Variants in HGF observed in about 807,000 individuals in gnomAD.
HGF encodes the protein hepatocyte growth factor.
In HGF, 39 loss-of-function variants were observed where a neutral mutation model predicts 111.6. The observed-to-expected ratio is 0.35, with a 90% CI of 0.27 to 0.46. HGF has a LOEUF of 0.46. HGF is among the 20% of genes least tolerant of loss of function. The pLI, the probability that HGF is intolerant of heterozygous loss-of-function variation, is 1.00. For missense variants in HGF, 735 were observed against 910.5 expected, an observed-to-expected ratio of 0.81 and a Z score of 2.48; for synonymous variants, 285 against 294.8, an observed-to-expected ratio of 0.97 and a Z score of 0.34.
rs1303991993 is a variant in HGF, at chr7:81,701,923, G to T, written c.*658C>A. The T allele has an allele frequency of 6.3e-6, 1 of 159,686 alleles. No individual in the cohort carries two copies. The highest frequency in any genetic ancestry group is 2.4e-5 in the African/African-American group (1 of 41,622). 9.9% of individuals were successfully genotyped at this position (159,686 alleles called of 1,614,324 possible). On this transcript the variant is annotated 3_prime_UTR_variant, in exon 18 of 18. Coordinates refer to ENST00000222390, the MANE Select transcript of HGF (RefSeq NM_000601.6). Reference sequence around the variant, plus strand: ...TTTCTACTGGTCTTTAGAGATTTCTGGTTTTTTTGAGGTAAAACTATAGGT... The same window carrying T: ...TTTCTACTGGTCTTTAGAGATTTCTTGTTTTTTTGAGGTAAAACTATAGGT...
At chr7:81,710,007 A>T in intron 13 of HGF, 140 bp downstream of exon 13, 2 of 687,810 alleles carry the variant, frequency 2.9e-6, no homozygotes, top group Non-Finnish European at 5.4e-6. Flanking sequence ...AGCAGATGTG[A>T]TCAGCTTCCT....
At chr7:81,735,183 C>T (rs1271012818) in intron 7 of HGF, among the ~76,000 whole-genome samples, 2 of 152,080 alleles carry the variant, frequency 1.3e-5, no homozygotes, top group Non-Finnish European at 2.9e-5. Context: ...GTAAAGACCT[C>T]CAAAATATGA....
intron 13 of HGF, among the ~76,000 whole-genome samples, chr7:81,708,939 A>G (rs1248829243): frequency 6.6e-6 from 1 of 152,130 alleles, no homozygotes; most frequent in Non-Finnish European, 1.5e-5. Flanking sequence ...CCATTCCTTG[A>G]GAAAAGGGTA....
chr7:81,756,896 A>G, intron 4 of HGF: 1 of 458,268 alleles, frequency 2.2e-6, no homozygotes, highest in Non-Finnish European at 4.0e-6. Context: ...GTACTTTCTC[A>G]AAGACAGGAA....
intron 7 of HGF, among the ~76,000 whole-genome samples, chr7:81,732,159 T>G (rs1316474746): frequency 2.6e-5 from 4 of 152,166 alleles, no homozygotes; most frequent in Admixed American, 2.0e-4. Context: ...TGGCTAGATA[T>G]GGGTCCATCC....
chr7:81,710,286 G>A, intron 12 of HGF, 43 bp from the exon 13 acceptor site: 1 of 1,278,254 alleles, frequency 7.8e-7, no homozygotes, highest in Admixed American at 1.7e-5. Flanking sequence ...ATAAGAATTT[G>A]AAATAATCAG....
intron 7 of HGF, chr7:81,736,844 C>T (rs907965785): frequency 1.4e-5 from 6 of 430,138 alleles, no homozygotes; most frequent in Non-Finnish European, 2.3e-5. Context: ...TTTGTCATTG[C>T]CCTAAGATCA....
At chr7:81,717,704 T>A (rs1267848479) in intron 10 of HGF, among the ~76,000 whole-genome samples, 1 of 151,960 alleles carries the variant, frequency 6.6e-6, no homozygotes, top group African/African-American at 2.4e-5. Flanking sequence ...AGCAAGCAGA[T>A]GGCAAAGATT....
chr7:81,755,163 AT>A (rs1052746803), intron 4 of HGF: 4 of 152,058 alleles, frequency 2.6e-5, no homozygotes, highest in African/African-American at 9.7e-5. Context: ...AGGTCACCTG[AT>A]TTTCTAGTTA....
At chr7:81,766,710 A>G (rs1199501120) in intron 1 of HGF, among the ~76,000 whole-genome samples, 1 of 152,108 alleles carries the variant, frequency 6.6e-6, no homozygotes, top group Non-Finnish European at 1.5e-5. Flanking sequence ...GTTCTTATTT[A>G]AGGTTTCATT....
intron 7 of HGF, among the ~76,000 whole-genome samples, chr7:81,740,318 A>G (rs1440133481): frequency 6.6e-6 from 1 of 152,202 alleles, no homozygotes; most frequent in Non-Finnish European, 1.5e-5. Flanking sequence ...AAACTGGCCC[A>G]GTTAATGATA....
intron 11 of HGF, among the ~76,000 whole-genome samples, chr7:81,714,341 A>T (rs1045028234): frequency 6.6e-6 from 1 of 152,184 alleles, no homozygotes; most frequent in Non-Finnish European, 1.5e-5. Context: ...CTCAATTAAC[A>T]ATAATGAATG....
intron 9 of HGF, among the ~76,000 whole-genome samples, chr7:81,721,916 G>A (rs1293939246): frequency 1.3e-5 from 2 of 152,162 alleles, no homozygotes; most frequent in African/African-American, 4.8e-5. Flanking sequence ...AATTTTGCAT[G>A]AACCACTTAT....
At chr7:81,760,471 G>C (rs752656052) in intron 2 of HGF, among the ~76,000 whole-genome samples, 2 of 152,150 alleles carry the variant, frequency 1.3e-5, no homozygotes, top group Non-Finnish European at 1.5e-5. Flanking sequence ...TCACGTCACA[G>C]ATGGTTTCGC....
At chr7:81,726,191 C>G (rs1790004646) in intron 8 of HGF, among the ~76,000 whole-genome samples, 174 bp from the exon 9 acceptor site, 2 of 152,066 alleles carry the variant, frequency 1.3e-5, no homozygotes, top group South Asian at 4.1e-4. Context: ...CTGACTCTGC[C>G]CAAATTACTG....
chr7:81,711,983 T>A (rs1404062700), intron 11 of HGF, among the ~76,000 whole-genome samples: 2 of 152,196 alleles, frequency 1.3e-5, no homozygotes, highest in African/African-American at 4.8e-5. Flanking sequence ...AGAGATAAAA[T>A]GTAAACTCTT....
intron 7 of HGF, among the ~76,000 whole-genome samples, chr7:81,731,306 A>G (rs1411351270): frequency 1.3e-5 from 2 of 152,188 alleles, no homozygotes; most frequent in Non-Finnish European, 2.9e-5. Context: ...TGTTTTGTAT[A>G]TCTGCTTCAG....
At chr7:81,726,069 A>C (rs1299166921) in intron 8 of HGF, 52 bp from the exon 9 acceptor site, 2 of 1,562,100 alleles carry the variant, frequency 1.3e-6, no homozygotes, top group Non-Finnish European at 1.8e-6. Context: ...TACGTTGGTG[A>C]AGTCAGCGCT....
chr7:81,727,073 T>C (rs181456015), intron 8 of HGF, among the ~76,000 whole-genome samples: 2,359 of 151,254 alleles, frequency 0.016, 46 homozygotes, highest in Middle Eastern at 0.088. Flanking sequence ...CAGAGTCTCG[T>C]TCTGTCGCCC....
Sources: allele counts gnomAD v4.1 joint callset (sites outside exome capture counted in the v4.1 genomes callset), GRCh38; gene constraint gnomAD v4.1.1; transcripts MANE v1.5; gene names NCBI Gene and HGNC (gene_info 2026-07-23, HGNC 2026-07-21).